The following THSD7B variants were observed in gnomAD, a reference collection of about 807,000 sequenced individuals.
The protein encoded by THSD7B is thrombospondin type-1 domain-containing protein 7B.
Under a neutral mutation model 213.6 loss-of-function variants are expected in THSD7B, and 138 were observed. That is an observed-to-expected ratio of 0.65 (90% CI 0.56 to 0.74). The LOEUF is 0.74. THSD7B is among the 30% of genes least tolerant of loss of function. THSD7B has a pLI of 0.00. For synonymous variants in THSD7B, 742 were observed against 687.0 expected (o/e 1.08, Z -1.25); for missense variants, 1,931 against 1,991.5 (o/e 0.97, Z 0.58).
At chr2:136,966,768 G>A (rs114364418) in intron 2 of THSD7B, among the ~76,000 whole-genome samples, 89 of 152,062 alleles carry the variant, frequency 5.9e-4, no homozygotes, top group African/African-American at 2.0e-3. Context: ...CCTCTTTGCC[G>A]TCTCCTGAAT....
intron 1 of THSD7B, among the ~76,000 whole-genome samples, chr2:136,874,922 TC>T (rs1683501469): frequency 6.6e-6 from 1 of 152,314 alleles, no homozygotes; most frequent in South Asian, 2.1e-4. Context: ...ATTTTTTTTT[TC>T]ATTTGTGTTT....
intron 27 of THSD7B, among the ~76,000 whole-genome samples, chr2:137,668,660 C>T (rs1482964676): frequency 6.6e-6 from 1 of 152,040 alleles, no homozygotes; most frequent in African/African-American, 2.4e-5. Flanking sequence ...TATGACTCCC[C>T]CAAAACCTGA....
At chr2:137,520,634 G>A (rs138947824) in intron 15 of THSD7B, among the ~76,000 whole-genome samples, 25 of 152,298 alleles carry the variant, frequency 1.6e-4, no homozygotes, top group African/African-American at 5.1e-4. Context: ...AGGAGTGCTC[G>A]TAAGAATGAC....
At chr2:137,215,880 T>G (rs1257366618) in intron 7 of THSD7B, among the ~76,000 whole-genome samples, 2 of 152,186 alleles carry the variant, frequency 1.3e-5, no homozygotes, top group African/African-American at 4.8e-5. Context: ...GGTTTTTAGA[T>G]TAAGCTATGT....
At chr2:136,867,220 A>G (rs1455532913) in intron 1 of THSD7B, among the ~76,000 whole-genome samples, 1 of 152,200 alleles carries the variant, frequency 6.6e-6, no homozygotes, top group Non-Finnish European at 1.5e-5. Context: ...AAATAATTTA[A>G]TTCATGCCAA....
intron 2 of THSD7B, among the ~76,000 whole-genome samples, chr2:137,003,412 A>G (rs997155043): frequency 6.6e-6 from 1 of 152,206 alleles, no homozygotes. Context: ...TAGAGATAGG[A>G]TTATGGAGAT....
rs536744023 is a variant in THSD7B, at chr2:136,802,193, T to G, written c.-36+36506T>G. 1.2e-4 allele frequency among the ~76,000 whole-genome samples: 18 copies of G among 152,198 alleles called. No individual in the cohort carries two copies. The South Asian group carries it at 3.7e-3, about 32-fold the overall frequency. ...TAAGGGGAACGTTAATGGGGTAAAC[T>G]GCCAATTACCATCAGGAGAAATTTT... On this transcript the variant is annotated intron_variant, in intron 1 of 27. Coordinates refer to ENST00000409968, the MANE Select transcript of THSD7B (RefSeq NM_001316349.2).
chr2:136,827,770 TGAGA>T (rs56349408), intron 1 of THSD7B, among the ~76,000 whole-genome samples: 6,683 of 146,336 alleles, frequency 0.046, 474 homozygotes, highest in African/African-American at 0.16. Context: ...TACACTGAAA[TGAGA>T]GAGAGAGAGA....
chr2:137,085,892 CA>C (rs1357122148), intron 3 of THSD7B, among the ~76,000 whole-genome samples: 1 of 152,104 alleles, frequency 6.6e-6, no homozygotes, highest in Admixed American at 6.5e-5. Flanking sequence ...AATTAAAAAT[CA>C]AATTATAGGA....
intron 15 of THSD7B, among the ~76,000 whole-genome samples, chr2:137,461,500 C>T (rs1573639072): frequency 2.6e-5 from 4 of 152,146 alleles, no homozygotes; most frequent in African/African-American, 4.8e-5. Context: ...CAAAAGTACA[C>T]GAGCACTACC....
chr2:137,437,868 T>C (rs1300534714), intron 14 of THSD7B, among the ~76,000 whole-genome samples: 4 of 152,138 alleles, frequency 2.6e-5, no homozygotes, highest in Admixed American at 6.5e-5. Context: ...AGGAAATAGA[T>C]AAAAATTCAC....
intron 12 of THSD7B, among the ~76,000 whole-genome samples, chr2:137,301,828 G>T (rs1683609872): frequency 6.6e-6 from 1 of 152,092 alleles, no homozygotes; most frequent in African/African-American, 2.4e-5. Context: ...AGGCCAAAAA[G>T]GTGGGGGAGA....
At chr2:137,519,368 A>G (rs1039809880) in intron 15 of THSD7B, among the ~76,000 whole-genome samples, 1 of 152,192 alleles carries the variant, frequency 6.6e-6, no homozygotes, top group African/African-American at 2.4e-5. Context: ...CACTAATATT[A>G]TTAGAACAGT....
chr2:137,237,113 CAAAAAAA>C (rs70978209), intron 9 of THSD7B, among the ~76,000 whole-genome samples: 1 of 109,590 alleles, frequency 9.1e-6, no homozygotes, highest in East Asian at 2.4e-4. Flanking sequence ...AACTCCGTCT[CAAAAAAA>C]AAAAAAAAAA....
chr2:137,388,943 C>T (rs776028488), intron 12 of THSD7B, among the ~76,000 whole-genome samples: 1 of 151,764 alleles, frequency 6.6e-6, no homozygotes, highest in Non-Finnish European at 1.5e-5. Context: ...GATTCCATAT[C>T]GTTGCAATTA....
At chr2:136,916,369 A>G (rs1033864157) in intron 2 of THSD7B, among the ~76,000 whole-genome samples, 1 of 152,148 alleles carries the variant, frequency 6.6e-6, no homozygotes, top group Non-Finnish European at 1.5e-5. Context: ...GACCTGGTAA[A>G]AATAATGGCA....
At chr2:137,285,800 G>A (rs1342673903) in intron 12 of THSD7B, among the ~76,000 whole-genome samples, 4 of 151,794 alleles carry the variant, frequency 2.6e-5, no homozygotes, top group Admixed American at 6.6e-5. Flanking sequence ...ATATGTGATC[G>A]AATCATTAAG....
chr2:136,936,832 A>T (rs538036812), intron 2 of THSD7B, among the ~76,000 whole-genome samples: 40 of 122,786 alleles, frequency 3.3e-4, no homozygotes, highest in Middle Eastern at 4.4e-3. Flanking sequence ...AATTTTTTTT[A>T]AAAAAAGAAA....
chr2:137,667,027 G>A (rs1683461523), intron 26 of THSD7B, among the ~76,000 whole-genome samples: 1 of 152,144 alleles, frequency 6.6e-6, no homozygotes, highest in African/African-American at 2.4e-5. Context: ...TGGAAGTAGA[G>A]CCACTAAAAA....
Sources: gnomAD v4.1 joint callset for allele counts (sites outside exome capture counted in the v4.1 genomes callset) on GRCh38, gnomAD v4.1.1 for gene constraint, MANE v1.5 for transcripts, NCBI Gene and HGNC (gene_info 2026-07-23, HGNC 2026-07-21) for gene names.